Variants in EHBP1 observed in about 807,000 individuals in gnomAD.
EHBP1 encodes EH domain-binding protein 1.
EHBP1 carries 55 observed loss-of-function variants against 144.0 expected under a neutral mutation model. The observed-to-expected ratio is 0.38, with a 90% CI of 0.31 to 0.48. The LOEUF (loss-of-function observed/expected upper bound fraction) is 0.48. EHBP1 is among the 20% of genes least tolerant of loss of function. EHBP1 has a pLI of 0.98. For synonymous variants in EHBP1, 469 were observed against 472.7 expected (o/e 0.99, Z 0.10); for missense variants, 1,200 against 1,364.2 (o/e 0.88, Z 1.90).
chr2:62,974,144 A>C (rs1338825936), intron 14 of EHBP1, among the ~76,000 whole-genome samples: 35 of 152,190 alleles, frequency 2.3e-4, no homozygotes, highest in Admixed American at 2.2e-3. Context: ...GATACTAATA[A>C]AATTTCACTT....
intron 19 of EHBP1, among the ~76,000 whole-genome samples, chr2:63,033,279 T>C (rs1196635152): frequency 6.6e-6 from 1 of 152,212 alleles, no homozygotes; most frequent in Non-Finnish European, 1.5e-5. Context: ...ATCAGGACAA[T>C]TTGTAATGGC....
intron 1 of EHBP1, among the ~76,000 whole-genome samples, chr2:62,693,104 CAT>C (rs989780060): frequency 1.3e-5 from 2 of 152,056 alleles, no homozygotes; most frequent in Non-Finnish European, 2.9e-5. Context: ...TAAGTGAAAA[CAT>C]GTGCAGTTTG....
chr2:62,870,715 C>CAAAAAAAAAAA, intron 9 of EHBP1, among the ~76,000 whole-genome samples: 1 of 90,280 alleles, frequency 1.1e-5, no homozygotes, highest in Admixed American at 1.3e-4. Context: ...GACTGCATCT[C>CAAAAAAAAAAA]AAAAAAAAAA....
intron 1 of EHBP1, among the ~76,000 whole-genome samples, chr2:62,699,055 G>T (rs1413514809): frequency 6.6e-6 from 1 of 152,122 alleles, no homozygotes; most frequent in Non-Finnish European, 1.5e-5. Context: ...ACACCACAAG[G>T]GTTGTAGTCA....
At chr2:62,734,175 T>C (rs1342177113) in intron 2 of EHBP1, among the ~76,000 whole-genome samples, 2 of 152,158 alleles carry the variant, frequency 1.3e-5, no homozygotes, top group African/African-American at 4.8e-5. Context: ...TGTATAACTT[T>C]GTTTATGTTG....
intron 1 of EHBP1, among the ~76,000 whole-genome samples, chr2:62,684,454 G>A (rs2033650080): frequency 6.6e-6 from 1 of 152,164 alleles, no homozygotes; most frequent in Admixed American, 6.5e-5. Flanking sequence ...GGTTCTTCAA[G>A]GAAGGGAAAA....
intron 2 of EHBP1, among the ~76,000 whole-genome samples, chr2:62,717,243 T>C (rs557248197): frequency 6.6e-6 from 1 of 152,238 alleles, no homozygotes; most frequent in Non-Finnish European, 1.5e-5. Flanking sequence ...TCTGTTCTTA[T>C]GATTTAGTTT....
chr2:62,692,737 AT>A (rs36065835), intron 1 of EHBP1, among the ~76,000 whole-genome samples: 23,746 of 151,276 alleles, frequency 0.16, 2,130 homozygotes, highest in Middle Eastern at 0.24. Flanking sequence ...TTGTATTATA[AT>A]TTTTTTTTAA....
intron 18 of EHBP1, among the ~76,000 whole-genome samples, chr2:62,995,513 G>A (rs959898266): frequency 2.0e-5 from 3 of 152,086 alleles, no homozygotes; most frequent in African/African-American, 7.2e-5. Context: ...CCTGTTTAAG[G>A]AGTAGTGAAA....
rs1412978643 is a variant in EHBP1, at chr2:62,846,476, A to T, written c.635-12693A>T. Among the ~76,000 whole-genome samples the T allele has an allele frequency of 2.0e-5, 3 of 152,208 alleles. No individual in the cohort carries two copies. The South Asian group carries it at 6.2e-4, about 31-fold the overall frequency. On this transcript the variant is annotated intron_variant, in intron 7 of 22. Coordinates refer to ENST00000431489, the MANE Select transcript of EHBP1 (RefSeq NM_001142616.3). ...TGCCAAGTTTCTTAGCAAAGTTTCA[A>T]TAGAAGAGAATTTATTTATTTTGAT...
intron 8 of EHBP1, among the ~76,000 whole-genome samples, chr2:62,861,367 A>G (rs975995402): frequency 6.6e-6 from 1 of 150,918 alleles, no homozygotes; most frequent in African/African-American, 2.4e-5. Flanking sequence ...TGACCTTGTA[A>G]TCGGCCCACC....
At chr2:62,959,694 C>T (rs1163494033) in intron 14 of EHBP1, among the ~76,000 whole-genome samples, 2 of 152,106 alleles carry the variant, frequency 1.3e-5, no homozygotes, top group Non-Finnish European at 2.9e-5. Context: ...GAAGAAATGT[C>T]TATTCAAGTT....
At chr2:62,799,624 A>C (rs1353986399) in intron 5 of EHBP1, among the ~76,000 whole-genome samples, 1 of 152,184 alleles carries the variant, frequency 6.6e-6, no homozygotes, top group African/African-American at 2.4e-5. Flanking sequence ...TCAACACTAC[A>C]CAAATATTTA....
chr2:62,773,071 A>G (rs1480812519), intron 5 of EHBP1, among the ~76,000 whole-genome samples: 3 of 152,210 alleles, frequency 2.0e-5, no homozygotes, highest in Non-Finnish European at 1.5e-5. Flanking sequence ...AAGAGAATAC[A>G]CTAATTTATA....
intron 10 of EHBP1, among the ~76,000 whole-genome samples, chr2:62,929,614 A>G (rs944482754): frequency 6.6e-6 from 1 of 152,288 alleles, no homozygotes; most frequent in Non-Finnish European, 1.5e-5. Context: ...CCCACAGAAA[A>G]TATCATATTC....
At chr2:62,841,372 G>T (rs2047846135) in intron 7 of EHBP1, among the ~76,000 whole-genome samples, 1 of 150,724 alleles carries the variant, frequency 6.6e-6, no homozygotes, top group East Asian at 2.0e-4. Context: ...GATAGCATTG[G>T]GAGATATACC....
intron 7 of EHBP1, among the ~76,000 whole-genome samples, chr2:62,833,555 A>G (rs1395860578): frequency 1.3e-5 from 2 of 152,190 alleles, no homozygotes; most frequent in East Asian, 3.8e-4. Flanking sequence ...TTTTAAGACC[A>G]TTGTTGAGAC....
chr2:62,709,531 C>T (rs1372997200), intron 2 of EHBP1, among the ~76,000 whole-genome samples: 1 of 152,088 alleles, frequency 6.6e-6, no homozygotes, highest in Non-Finnish European at 1.5e-5. Flanking sequence ...TTCCCTAGAG[C>T]TTTTAAGTTA....
chr2:62,686,423 A>C (rs974751920), intron 1 of EHBP1, among the ~76,000 whole-genome samples: 1 of 152,188 alleles, frequency 6.6e-6, no homozygotes, highest in Admixed American at 6.5e-5. Context: ...CTATATTTTC[A>C]GTCCAGCCAA....
Sources: gnomAD v4.1 joint callset for allele counts (sites outside exome capture counted in the v4.1 genomes callset) on GRCh38, gnomAD v4.1.1 for gene constraint, MANE v1.5 for transcripts, NCBI Gene and HGNC (gene_info 2026-07-23, HGNC 2026-07-21) for gene names.